Variants in NEK5 observed in about 807,000 individuals in gnomAD.
NEK5 encodes the protein NIMA related kinase 5, also known as serine/threonine-protein kinase Nek5.
NEK5 carries 88 observed loss-of-function variants against 109.2 expected under a neutral mutation model. The ratio of observed to expected loss-of-function variants is 0.81; its 90% confidence interval spans 0.68 to 0.96. NEK5 has a LOEUF of 0.96. NEK5 is among the 40% of genes least tolerant of loss of function. The pLI is 0.00. For synonymous variants in NEK5, 283 were observed against 299.9 expected, an observed-to-expected ratio of 0.94 and a Z score of 0.58; for missense variants, 834 against 920.7, an observed-to-expected ratio of 0.91 and a Z score of 1.22.
rs538828088 is a variant in NEK5 at position 52,035,370 on chromosome 13, C to G, written c.*1578G>C. 29 of 152,200 alleles carry G rather than the reference C, an allele frequency of 1.9e-4. No homozygotes were observed. The highest frequency in any genetic ancestry group is 6.7e-4 in the African/African-American group (28 of 41,544). The allele number at this position is 152,200 out of a possible 1,614,324, so 9.4% of individuals were successfully genotyped here. A position where few individuals can be genotyped will look rare whatever the true frequency, so the allele number is the denominator to read the frequency against. The stretch of plus-strand genomic sequence containing the variant: ...TTAGAAATAATCTGACCCACCTTAC[C>G]TCATCTTTGTTTTCTCAGTTTAACA... On this transcript the variant is annotated 3_prime_UTR_variant, in exon 24 of 24. Transcript: ENST00000684899.
rs770625440 is a variant in NEK5 at position 52,093,251 on chromosome 13, G to A, written c.1027-16C>T. The stretch of plus-strand genomic sequence containing the variant: ...TCATTTTTATCTGAAGAAAACAAGA[G>A]GGGATGTTTTTAAAAACCATAATAC... On this transcript the variant is annotated splice_polypyrimidine_tract_variant and intron_variant, in intron 12 of 23. Coordinates refer to ENST00000684899, the MANE Select transcript of NEK5 (RefSeq NM_001365552.1). 2 of 1,600,234 alleles carry A rather than the reference G, an allele frequency of 1.2e-6. No homozygotes were observed. The highest frequency in any genetic ancestry group is 1.7e-6 in the Non-Finnish European group (2 of 1,168,072).
In NEK5 at chr13:52,035,433, G is replaced by A. The variant is rs1214376991; in HGVS notation, c.*1515C>T. On this transcript the variant is annotated 3_prime_UTR_variant, in exon 24 of 24. Coordinates refer to ENST00000684899, the MANE Select transcript of NEK5 (RefSeq NM_001365552.1). ...GACATTTTACTTTTATTATAAAGCA[G>A]ATATTTCAGGCAGAATTCTACCACC... 1.3e-5 allele frequency: 2 copies of A among 152,066 alleles called. No individual in the cohort carries two copies. Among genetic ancestry groups the A allele is most frequent in the Non-Finnish European group, 2.9e-5 (2 of 68,016 alleles). 9.4% of individuals were successfully genotyped at this position (152,066 alleles called of 1,614,324 possible). A position where few individuals can be genotyped will look rare whatever the true frequency, so the allele number is the denominator to read the frequency against.
intron 17 of NEK5, among the ~76,000 whole-genome samples, chr13:52,079,625 G>T (rs1202786258): frequency 8.2e-4 from 117 of 142,634 alleles, no homozygotes; most frequent in African/African-American, 2.1e-3. Flanking sequence ...AGGCTGGAGC[G>T]CAGTGGCGTG....
chr13:52,117,787 G>C (rs913446706), intron 4 of NEK5, among the ~76,000 whole-genome samples: 2 of 152,208 alleles, frequency 1.3e-5, no homozygotes, highest in Non-Finnish European at 2.9e-5. Context: ...AAGTACAACT[G>C]CTGTGGAAGA....
intron 8 of NEK5, among the ~76,000 whole-genome samples, chr13:52,107,385 G>GT (rs1357777392): frequency 6.6e-6 from 1 of 152,076 alleles, no homozygotes; most frequent in African/African-American, 2.4e-5. Flanking sequence ...GAGGTCAGGA[G>GT]TTTGAGACCA....
At chr13:52,088,098 T>C (rs1955192791) in intron 14 of NEK5, among the ~76,000 whole-genome samples, 1 of 151,854 alleles carries the variant, frequency 6.6e-6, no homozygotes, top group African/African-American at 2.4e-5. Flanking sequence ...TGGGTAATTT[T>C]TGTTTTTTTT....
intron 9 of NEK5, among the ~76,000 whole-genome samples, chr13:52,102,880 G>T (rs182231941): frequency 6.6e-6 from 1 of 152,160 alleles, no homozygotes; most frequent in East Asian, 1.9e-4. Flanking sequence ...GAAGGTATAG[G>T]AAGTTATAAA....
At position 52,033,660 on chromosome 13, in the gene NEK5, G is replaced by T; in HGVS notation, c.*3288C>A. On this transcript the variant is annotated 3_prime_UTR_variant, in exon 24 of 24. Transcript: ENST00000684899. The stretch of plus-strand genomic sequence containing the variant: ...AATATTTCAGACATAACAAAAAACT[G>T]CAGAGCTTCGTACACTTGATTTAAA... 6.2e-6 allele frequency: 1 copy of T among 161,266 alleles called. No individual in the cohort carries two copies. 10.0% of individuals were successfully genotyped at this position (161,266 alleles called of 1,614,324 possible).
chr13:52,090,848 AC>A (rs1955265888), intron 13 of NEK5, among the ~76,000 whole-genome samples: 1 of 151,946 alleles, frequency 6.6e-6, no homozygotes, highest in African/African-American at 2.4e-5. Context: ...ACACAGTGAA[AC>A]CCTGTCTCTT....
intron 16 of NEK5, among the ~76,000 whole-genome samples, chr13:52,083,678 AG>A (rs1955060434): frequency 6.6e-6 from 1 of 152,034 alleles, no homozygotes; most frequent in Admixed American, 6.6e-5. Flanking sequence ...CTGGGACTAT[AG>A]GCACGCACCA....
chr13:52,078,384 G>A (rs7991237), intron 17 of NEK5, among the ~76,000 whole-genome samples: 63,132 of 151,954 alleles, frequency 0.42, 15,042 homozygotes, highest in Non-Finnish European at 0.54. Context: ...AAGCAGATCC[G>A]TGATTGCATG....
rs71088014 is a variant in NEK5 at position 52,115,601 on chromosome 13, C to CAAA, written c.215-3239_215-3237dup. ...CCTGGGTGACAGAGTGAGACTCCGT[C>CAAA]AAAAAAAAAAAAAAAAAAAAAAAAA... On this transcript the variant is annotated intron_variant, in intron 4 of 23. Coordinates refer to ENST00000684899, the MANE Select transcript of NEK5 (RefSeq NM_001365552.1). Among the ~76,000 whole-genome samples the CAAA allele has an allele frequency of 3.1e-3, 151 of 49,230 alleles. 14 individuals are homozygous for CAAA. The highest frequency in any genetic ancestry group is 0.014 in the African/African-American group (137 of 9,744). 32.3% of individuals were successfully genotyped at this position (49,230 alleles called of 152,430 possible). A position where few individuals can be genotyped will look rare whatever the true frequency, so the allele number is the denominator to read the frequency against.
intron 17 of NEK5, among the ~76,000 whole-genome samples, chr13:52,079,474 A>AT (rs1954932576): frequency 6.6e-6 from 1 of 152,056 alleles, no homozygotes; most frequent in African/African-American, 2.4e-5. Flanking sequence ...TGGTTTTCGT[A>AT]TTTTTTTGGT....
At chr13:52,065,130 A>AT in intron 21 of NEK5, 1 of 341,424 alleles carries the variant, frequency 2.9e-6, no homozygotes, top group Non-Finnish European at 5.4e-6. Context: ...AAAAATAAAA[A>AT]TTAAAAAAAA....
chr13:52,095,061 C>T (rs1372692623), intron 12 of NEK5, among the ~76,000 whole-genome samples: 1 of 152,058 alleles, frequency 6.6e-6, no homozygotes, highest in East Asian at 1.9e-4. Flanking sequence ...GGACTACAGG[C>T]ACATGCTACT....
In NEK5 at chr13:52,079,581, C is replaced by T. The variant is rs376735397; in HGVS notation, c.1573-3438G>A. 1.3e-4 allele frequency among the ~76,000 whole-genome samples: 20 copies of T among 152,392 alleles called. No homozygotes were observed. In the East Asian group the frequency reaches 3.3e-3, roughly 25 times the overall value. ...CCTCCCGAGGTGCCGGGATTGCAGA[C>T]GGAGTCTGGTTCACTCAGTGCTCAA... On this transcript the variant is annotated intron_variant, in intron 17 of 23. Transcript: ENST00000684899.
chr13:52,064,630 GC>G (rs1954657690), intron 21 of NEK5: 1 of 227,168 alleles, frequency 4.4e-6, no homozygotes, highest in African/African-American at 2.4e-5. Flanking sequence ...GTACCCAACA[GC>G]TCATTGAGAA....
At position 52,084,734 on chromosome 13, in the gene NEK5, T is replaced by TGAGA. The variant is rs1170629594; in HGVS notation, c.1480-1386_1480-1383dup. ...AAGAGAGAGAGAGAGAGAGAGAGAGTGAGAGAGAGAGAGAGAGAGAGAGAG... is the reference window on the plus strand; with the variant it reads ...AAGAGAGAGAGAGAGAGAGAGAGAGTGAGAGAGAGAGAGAGAGAGAGAGAGAGAG... On this transcript the variant is annotated intron_variant, in intron 16 of 23. Coordinates refer to ENST00000684899, the MANE Select transcript of NEK5 (RefSeq NM_001365552.1). Among the ~76,000 whole-genome samples the TGAGA allele has an allele frequency of 7.4e-3, 816 of 109,692 alleles. 6 individuals are homozygous for TGAGA. Among genetic ancestry groups the TGAGA allele is most frequent in the Non-Finnish European group, 9.2e-3 (512 of 55,876 alleles). 72.0% of individuals were successfully genotyped at this position (109,692 alleles called of 152,430 possible).
At chr13:52,082,722 G>A (rs1955039601) in intron 17 of NEK5, among the ~76,000 whole-genome samples, 1 of 152,180 alleles carries the variant, frequency 6.6e-6, no homozygotes, top group African/African-American at 2.4e-5. Context: ...CCTCCAGAGA[G>A]TGGAACGTTC....
Sources: allele counts gnomAD v4.1 joint callset (sites outside exome capture counted in the v4.1 genomes callset), GRCh38; gene constraint gnomAD v4.1.1; transcripts MANE v1.5; gene names NCBI Gene and HGNC (gene_info 2026-07-23, HGNC 2026-07-21).